Variants in SLC38A1 observed in about 807,000 individuals in gnomAD.
SLC38A1 encodes the protein sodium-coupled neutral amino acid symporter 1.
In SLC38A1, 18 loss-of-function variants were observed where a neutral mutation model predicts 60.3. That is an observed-to-expected ratio of 0.30 (90% CI 0.21 to 0.44). The LOEUF is 0.44. Among genes scored for constraint, SLC38A1 ranks in the 20% least tolerant of loss-of-function variants. SLC38A1 has a pLI of 1.00. For synonymous variants in SLC38A1, 196 were observed against 212.1 expected (o/e 0.92, Z 0.66); for missense variants, 448 against 587.2 (o/e 0.76, Z 2.45).
At chr12:46,193,403 T>G (rs940297273) in intron 16 of SLC38A1, among the ~76,000 whole-genome samples, 1 of 152,178 alleles carries the variant, frequency 6.6e-6, no homozygotes, top group Admixed American at 6.5e-5. Flanking sequence ...AGAATGCATA[T>G]TGTCTTGATT....
rs142516219 is a variant in SLC38A1 at position 46,183,910 on chromosome 12, A to C, written c.*5060T>G. 30 of 152,716 alleles carry C rather than the reference A, an allele frequency of 2.0e-4. No homozygotes were observed. The highest frequency in any genetic ancestry group is 7.2e-4 in the African/African-American group (30 of 41,564). 9.5% of individuals were successfully genotyped at this position (152,716 alleles called of 1,614,324 possible). ...CCAAACAAAACCACTAATTTCTAGG[A>C]AACATTTATTGTTTATATGCAGATC... On this transcript the variant is annotated 3_prime_UTR_variant, in exon 17 of 17. Transcript: ENST00000398637.
At chr12:46,250,642 T>C (rs986025848) in intron 1 of SLC38A1, among the ~76,000 whole-genome samples, 3 of 152,196 alleles carry the variant, frequency 2.0e-5, no homozygotes, top group African/African-American at 7.2e-5. Flanking sequence ...CAGCAAAGTA[T>C]CAGGATACAA....
intron 16 of SLC38A1, chr12:46,196,113 A>C (rs959721754): frequency 1.4e-5 from 21 of 1,527,540 alleles, no homozygotes; most frequent in Non-Finnish European, 1.4e-5. Flanking sequence ...CTTTATTAGC[A>C]GTGTGAGAAC....
At chr12:46,198,895 A>G in intron 13 of SLC38A1, 152 bp from the exon 14 acceptor site, 1 of 596,102 alleles carries the variant, frequency 1.7e-6, no homozygotes, top group South Asian at 2.2e-5. Context: ...GGAAAGAAAA[A>G]TCTCTATGTA....
At chr12:46,189,416 C>T (rs1174284949) in intron 16 of SLC38A1, among the ~76,000 whole-genome samples, 2 of 152,048 alleles carry the variant, frequency 1.3e-5, no homozygotes, top group Non-Finnish European at 2.9e-5. Flanking sequence ...GAATAAAGGC[C>T]TTAGAAAATA....
intron 5 of SLC38A1, among the ~76,000 whole-genome samples, chr12:46,216,403 A>G (rs1940413823): frequency 1.3e-5 from 2 of 152,176 alleles, no homozygotes; most frequent in Non-Finnish European, 2.9e-5. Flanking sequence ...GGCAAGTGTG[A>G]CAGCCAGCCA....
intron 5 of SLC38A1, 139 bp downstream of exon 5, chr12:46,229,014 A>G (rs1940968949): frequency 4.0e-6 from 2 of 502,068 alleles, no homozygotes; most frequent in Middle Eastern, 8.1e-4. Flanking sequence ...CAAGCAATAA[A>G]TATCAAAGTA....
chr12:46,241,305 T>C (rs986374878), intron 2 of SLC38A1, among the ~76,000 whole-genome samples: 1 of 152,220 alleles, frequency 6.6e-6, no homozygotes, highest in African/African-American at 2.4e-5. Context: ...TACTAATTTC[T>C]ATTATTTTGA....
At chr12:46,226,072 A>G (rs770399027) in intron 5 of SLC38A1, among the ~76,000 whole-genome samples, 2 of 152,224 alleles carry the variant, frequency 1.3e-5, no homozygotes, top group Non-Finnish European at 2.9e-5. Context: ...TGATGATATT[A>G]GGGAACTGTT....
At chr12:46,260,547 T>C (rs934758561) in intron 1 of SLC38A1, among the ~76,000 whole-genome samples, 3 of 152,324 alleles carry the variant, frequency 2.0e-5, no homozygotes, top group East Asian at 1.9e-4. Context: ...AACATTTCCA[T>C]AAATTCTTTT....
At chr12:46,222,860 T>C (rs924346718) in intron 5 of SLC38A1, among the ~76,000 whole-genome samples, 3 of 152,182 alleles carry the variant, frequency 2.0e-5, no homozygotes, top group African/African-American at 4.8e-5. Flanking sequence ...TTACTTGTTG[T>C]GAACAGGAAC....
chr12:46,220,061 T>A (rs1940595540), intron 5 of SLC38A1, among the ~76,000 whole-genome samples: 1 of 152,226 alleles, frequency 6.6e-6, no homozygotes, highest in South Asian at 2.1e-4. Flanking sequence ...CAATAGCTGC[T>A]CAACTTCTAA....
chr12:46,224,269 A>G (rs139959033), intron 5 of SLC38A1, among the ~76,000 whole-genome samples: 9 of 152,248 alleles, frequency 5.9e-5, no homozygotes, highest in Admixed American at 5.9e-4. Flanking sequence ...CATAGAGGAT[A>G]TATACCTGCA....
At chr12:46,254,082 A>G (rs1393241049) in intron 1 of SLC38A1, among the ~76,000 whole-genome samples, 1 of 152,152 alleles carries the variant, frequency 6.6e-6, no homozygotes, top group East Asian at 1.9e-4. Context: ...AAATAAGTAA[A>G]AATTATCTCA....
intron 2 of SLC38A1, among the ~76,000 whole-genome samples, chr12:46,241,460 T>C (rs938025279): frequency 6.6e-6 from 1 of 152,310 alleles, no homozygotes; most frequent in South Asian, 2.1e-4. Context: ...GATCCTGTAA[T>C]GTGCCATAAT....
intron 1 of SLC38A1, among the ~76,000 whole-genome samples, chr12:46,250,172 G>T (rs1941784503): frequency 6.6e-6 from 1 of 152,164 alleles, no homozygotes; most frequent in Admixed American, 6.5e-5. Context: ...GGGATGCAAG[G>T]TTGGTTCAAC....
chr12:46,229,491 A>G (rs1212278609), intron 4 of SLC38A1, 73 bp downstream of exon 4: 12 of 1,165,132 alleles, frequency 1.0e-5, no homozygotes, highest in Non-Finnish European at 1.4e-5. Context: ...GTACTATGCT[A>G]CTTGAATTAA....
At chr12:46,219,615 T>C (rs1940570062) in intron 5 of SLC38A1, among the ~76,000 whole-genome samples, 1 of 152,136 alleles carries the variant, frequency 6.6e-6, no homozygotes, top group Non-Finnish European at 1.5e-5. Flanking sequence ...GTTTTCTAAT[T>C]AAACCAACTA....
chr12:46,268,887 G>A lies in SLC38A1; in HGVS notation c.-570C>T, dbSNP rs1294530004. On this transcript the variant is annotated 5_prime_UTR_variant, in exon 1 of 17. Transcript: ENST00000398637. The surrounding 1 kb of genome is among the most constrained non-coding windows in gnomAD (Gnocchi z 4.4). ...TACATCGACATGCACCGGCGCTGAGGGTCACGAATCGGAGTCATTCTCCTA... is the reference window on the plus strand; with the variant it reads ...TACATCGACATGCACCGGCGCTGAGAGTCACGAATCGGAGTCATTCTCCTA... 1.5e-5 allele frequency: 7 copies of A among 455,742 alleles called. No homozygotes were observed. Among genetic ancestry groups the A allele is most frequent in the Non-Finnish European group, 2.7e-5 (6 of 226,408 alleles). 28.2% of individuals were successfully genotyped at this position (455,742 alleles called of 1,614,324 possible). A position where few individuals can be genotyped will look rare whatever the true frequency, so the allele number is the denominator to read the frequency against.
Sources: gnomAD v4.1 joint callset for allele counts (sites outside exome capture counted in the v4.1 genomes callset) on GRCh38, gnomAD v4.1.1 for gene constraint, Gnocchi (gnomAD v3.1) non-coding constraint, MANE v1.5 for transcripts, NCBI Gene and HGNC (gene_info 2026-07-23, HGNC 2026-07-21) for gene names.